PARN: variants seen among roughly 807,000 people sequenced by gnomAD.
The protein encoded by PARN is poly(A)-specific ribonuclease.
Under a neutral mutation model 102.8 loss-of-function variants are expected in PARN, and 71 were observed. The observed-to-expected ratio is 0.69, with a 90% CI of 0.57 to 0.84. The LOEUF is 0.84. Among genes scored for constraint, PARN ranks in the 40% least tolerant of loss-of-function variants. PARN has a pLI of 0.00. For synonymous variants in PARN, 261 were observed against 252.9 expected (o/e 1.03, Z -0.30); for missense variants, 782 against 760.9 (o/e 1.03, Z -0.33).
intron 18 of PARN, among the ~76,000 whole-genome samples, chr16:14,580,280 CTTTTGTTTT>C (rs1438201752): frequency 2.0e-5 from 3 of 150,404 alleles, no homozygotes; most frequent in Non-Finnish European, 3.0e-5. Context: ...AGGAAATTTT[CTTTTGTTTT>C]TTTTGTTTTT....
chr16:14,505,754 A>G (rs117897520), intron 21 of PARN, among the ~76,000 whole-genome samples: 67 of 152,342 alleles, frequency 4.4e-4, no homozygotes, highest in Non-Finnish European at 8.1e-4. Context: ...ACAAAATAAT[A>G]TCAACCAATT....
At position 14,440,661 on chromosome 16, in the gene PARN, C is replaced by T. The variant is rs1960902115; in HGVS notation, c.1865-3889G>A. On this transcript the variant is annotated intron_variant, in intron 23 of 23. Coordinates refer to ENST00000437198, the MANE Select transcript of PARN (RefSeq NM_002582.4). ...GATACCTGTATACAGTGGAATACCA[C>T]TTAGCAGTAAAACGGAGTGTACTGA... is the stretch of plus-strand genomic sequence containing the variant. Among the ~76,000 whole-genome samples the T allele has an allele frequency of 2.0e-5, 3 of 152,314 alleles. No homozygotes were observed. The South Asian group carries it at 6.2e-4, about 32-fold the overall frequency.
chr16:14,482,581 C>A (rs1176236371), intron 22 of PARN, 57 bp downstream of exon 22: 1 of 1,357,360 alleles, frequency 7.4e-7, no homozygotes, highest in Non-Finnish European at 1.0e-6. Context: ...TGAGAAGCAA[C>A]AAGAAAAGCC....
chr16:14,557,103 G>C (rs1298175983), intron 18 of PARN, among the ~76,000 whole-genome samples: 1 of 152,126 alleles, frequency 6.6e-6, no homozygotes, highest in East Asian at 1.9e-4. Context: ...ATTCTGTTGT[G>C]TGTAAGATTA....
intron 22 of PARN, among the ~76,000 whole-genome samples, chr16:14,469,417 G>A (rs1172820209): frequency 6.6e-6 from 1 of 152,238 alleles, no homozygotes; most frequent in African/African-American, 2.4e-5. Flanking sequence ...ACAAAAGGGA[G>A]ATTCTAGAAA....
intron 21 of PARN, among the ~76,000 whole-genome samples, chr16:14,526,960 T>C (rs1966043161): frequency 6.6e-6 from 1 of 152,190 alleles, no homozygotes; most frequent in Non-Finnish European, 1.5e-5. Context: ...CTCTTCCTAA[T>C]GGCTTTGGGT....
rs755459951 is a variant in PARN at position 14,628,213 on chromosome 16, C to T, written c.136G>A (p.Gly46Ser). The T allele has an allele frequency of 3.1e-6, 5 of 1,607,706 alleles. No homozygotes were observed. In the East Asian group the frequency reaches 1.1e-4, roughly 36 times the overall value. Residue 46 changes from glycine (G) to serine (S), a missense_variant, in exon 3 of 24, where the codon GGT (glycine) becomes AGT (serine). Physicochemically the swap from Gly to Ser is moderately conservative, Grantham distance 56. Coordinates refer to ENST00000437198, the MANE Select transcript of PARN (RefSeq NM_002582.4). Reference protein sequence around the residue: ...DGPSVSALTNGFDTPEERYQK... With the variant: ...DGPSVSALTNSFDTPEERYQK... ...TACCTCTCTTCTGGAGTGTCAAAAC[C>T]ATTTGTTAATGCAGAGACTGAAGGT... is the stretch of plus-strand genomic sequence containing the variant.
At chr16:14,530,562 T>G (rs940726892) in intron 21 of PARN, among the ~76,000 whole-genome samples, 1 of 151,644 alleles carries the variant, frequency 6.6e-6, no homozygotes, top group Non-Finnish European at 1.5e-5. Context: ...AAAAACTATA[T>G]TATATAAGAC....
chr16:14,511,573 CA>C (rs1388905511), intron 21 of PARN, among the ~76,000 whole-genome samples: 1 of 152,122 alleles, frequency 6.6e-6, no homozygotes, highest in African/African-American at 2.4e-5. Context: ...CAAATCATGA[CA>C]AAAATATGAG....
intron 21 of PARN, chr16:14,501,449 A>AAAC (rs1281847101): frequency 7.9e-6 from 1 of 127,100 alleles, no homozygotes; most frequent in Non-Finnish European, 1.6e-5. Flanking sequence ...AAAAAAAAAA[A>AAAC]AAAAAAAAAA....
intron 23 of PARN, 110 bp from the exon 24 acceptor site, chr16:14,436,882 G>T: frequency 1.3e-6 from 1 of 778,624 alleles, no homozygotes; most frequent in East Asian, 2.7e-5. Context: ...TGCAGACGGG[G>T]CCAGCGTCTG....
At chr16:14,507,223 G>A (rs996068551) in intron 21 of PARN, among the ~76,000 whole-genome samples, 72 of 152,150 alleles carry the variant, frequency 4.7e-4, no homozygotes, top group African/African-American at 1.7e-3. Context: ...CTACTCGGGA[G>A]GCTGAGGCAG....
At chr16:14,583,727 T>C (rs935613516) in intron 16 of PARN, among the ~76,000 whole-genome samples, 10 of 152,210 alleles carry the variant, frequency 6.6e-5, no homozygotes, top group Admixed American at 3.9e-4. Flanking sequence ...CTACAACTAA[T>C]GGCTCGCTAA....
chr16:14,584,294 A>G (rs1969706768), intron 16 of PARN, 53 bp downstream of exon 16: 1 of 1,260,416 alleles, frequency 7.9e-7, no homozygotes, highest in African/African-American at 1.5e-5. Flanking sequence ...TCTACAATAT[A>G]CATCAATAAT....
chr16:14,570,005 A>G (rs1396926489), intron 18 of PARN, among the ~76,000 whole-genome samples: 1 of 152,236 alleles, frequency 6.6e-6, no homozygotes, highest in Non-Finnish European at 1.5e-5. Flanking sequence ...TGAGTGAACT[A>G]TATGGTATGT....
At chr16:14,521,939 A>G (rs749005313) in intron 21 of PARN, among the ~76,000 whole-genome samples, 2 of 152,212 alleles carry the variant, frequency 1.3e-5, no homozygotes, top group Non-Finnish European at 2.9e-5. Flanking sequence ...TTGTATTACA[A>G]CTGCCTACTG....
intron 22 of PARN, among the ~76,000 whole-genome samples, chr16:14,457,797 CAAAAAAAAAAAAAAA>C (rs35170336): frequency 9.9e-5 from 3 of 30,154 alleles, no homozygotes; most frequent in African/African-American, 3.1e-4. Context: ...GACTCTGTCT[CAAAAAAAAAAAAAAA>C]AAAAAAAAAA....
chr16:14,491,000 G>T (rs1328762569), intron 21 of PARN, among the ~76,000 whole-genome samples: 1 of 151,988 alleles, frequency 6.6e-6, no homozygotes, highest in Non-Finnish European at 1.5e-5. Flanking sequence ...TCAGAAAAAT[G>T]ATCTCAGATG....
At chr16:14,463,425 C>T (rs1962108334) in intron 22 of PARN, among the ~76,000 whole-genome samples, 1 of 151,964 alleles carries the variant, frequency 6.6e-6, no homozygotes, top group Admixed American at 6.6e-5. Flanking sequence ...AGTAAAATAA[C>T]AAAGACTATC....
Sources: gnomAD v4.1 joint callset for allele counts (sites outside exome capture counted in the v4.1 genomes callset) on GRCh38, gnomAD v4.1.1 for gene constraint, MANE v1.5 for transcripts, NCBI Gene and HGNC (gene_info 2026-07-23, HGNC 2026-07-21) for gene names.